Variants in GAS7 observed in about 807,000 individuals in gnomAD.
GAS7 encodes growth arrest specific 7, also known as growth arrest-specific protein 7.
A neutral mutation model predicts 71.1 loss-of-function variants in GAS7; 28 were observed. The observed-to-expected ratio is 0.39, with a 90% CI of 0.29 to 0.54. The LOEUF is 0.54. GAS7 is among the 20% of genes least tolerant of loss of function. The pLI is 0.62. For missense variants in GAS7, 436 were observed against 627.8 expected (o/e 0.69, Z 3.27); for synonymous variants, 258 against 245.8 (o/e 1.05, Z -0.46).
chr17:9,940,273 C>T, intron 7 of GAS7, 73 bp from the exon 8 acceptor site: 3 of 1,112,514 alleles, frequency 2.7e-6, no homozygotes, highest in Non-Finnish European at 4.2e-6. Context: ...CTGCCCTGCA[C>T]ACCTCAGCCG....
intron 2 of GAS7, among the ~76,000 whole-genome samples, chr17:10,001,773 G>GT (rs1243887935): frequency 2.0e-5 from 3 of 152,262 alleles, no homozygotes; most frequent in African/African-American, 7.2e-5. Flanking sequence ...GAAATTAATT[G>GT]TTTTTTAAGT....
intron 2 of GAS7, among the ~76,000 whole-genome samples, chr17:9,990,504 T>A (rs1025974606): frequency 2.6e-5 from 4 of 152,114 alleles, no homozygotes; most frequent in African/African-American, 9.7e-5. Context: ...TAGAAAGGGA[T>A]GACACAGGAG....
chr17:10,135,438 C>T (rs1357082051), intron 1 of GAS7, among the ~76,000 whole-genome samples: 1 of 152,228 alleles, frequency 6.6e-6, no homozygotes, highest in East Asian at 1.9e-4. Context: ...GTCCCTCTGT[C>T]CATTGCTCAG....
intron 2 of GAS7, among the ~76,000 whole-genome samples, chr17:10,010,323 TG>T (rs2071719527): frequency 6.6e-6 from 1 of 152,044 alleles, no homozygotes; most frequent in South Asian, 2.1e-4. Flanking sequence ...GCTAAATTTT[TG>T]TGTTTTTTTA....
intron 5 of GAS7, among the ~76,000 whole-genome samples, chr17:9,952,798 T>C (rs907823938): frequency 6.6e-5 from 10 of 152,042 alleles, no homozygotes; most frequent in Admixed American, 2.0e-4. Context: ...CAATGAGATA[T>C]CATGGCATGC....
chr17:10,052,116 C>T (rs2073070494), intron 1 of GAS7, among the ~76,000 whole-genome samples: 1 of 152,242 alleles, frequency 6.6e-6, no homozygotes, highest in African/African-American at 2.4e-5. Flanking sequence ...CCCCCGATTC[C>T]TCCATTTACA....
In GAS7 at chr17:9,959,841, C is replaced by T. The variant is rs1412676732; in HGVS notation, c.472-586G>A. 6.6e-6 allele frequency among the ~76,000 whole-genome samples: 1 copy of T among 151,674 alleles called. No homozygotes were observed. Among genetic ancestry groups the T allele is most frequent in the Non-Finnish European group, 1.5e-5 (1 of 68,022 alleles). On this transcript the variant is annotated intron_variant, in intron 4 of 13. Coordinates refer to ENST00000432992, the MANE Select transcript of GAS7 (RefSeq NM_201433.2). The surrounding 1 kb of genome is among the most constrained non-coding windows in gnomAD (Gnocchi z 5.0). ...AGCTTCCACTCAGTCTTTATATTGC[C>T]TTTTGATGTCTTCCACCGCCAGTAA...
rs1209394276 is a variant in GAS7, at chr17:10,017,323, CTT to C, written c.304+2452_304+2453del. ...ACTTGCCAACGAAAATCATCTTCCA[CTT>C]TTTTTTTTTTTTTTCCTTGAGACAG... On this transcript the variant is annotated intron_variant, in intron 2 of 13. Transcript: ENST00000432992. Among the ~76,000 whole-genome samples the C allele has an allele frequency of 4.6e-4, 65 of 142,020 alleles. 1 individual carries two copies. The highest frequency in any genetic ancestry group is 1.5e-3 in the African/African-American group (59 of 39,048). The allele number at this position is 142,020 out of a possible 152,430, so 93.2% of individuals were successfully genotyped here.
intron 1 of GAS7, among the ~76,000 whole-genome samples, chr17:10,083,504 C>T (rs2073480104): frequency 6.6e-6 from 1 of 152,274 alleles, no homozygotes; most frequent in East Asian, 1.9e-4. Context: ...GGCATGCTAT[C>T]TGCCGCAGGA....
At chr17:9,958,949 G>T in intron 5 of GAS7, 2 of 1,383,116 alleles carry the variant, frequency 1.4e-6, no homozygotes, top group East Asian at 2.7e-5. Context: ...CTGAAAAAAC[G>T]GCTTCTGCAT....
At chr17:10,151,901 T>C (rs2074169391) in intron 1 of GAS7, among the ~76,000 whole-genome samples, 1 of 152,174 alleles carries the variant, frequency 6.6e-6, no homozygotes, top group African/African-American at 2.4e-5. Flanking sequence ...CAGTTTCCCT[T>C]TGTTAATGGA....
chr17:9,979,404 G>GC (rs1328406530), intron 3 of GAS7, among the ~76,000 whole-genome samples: 2 of 152,144 alleles, frequency 1.3e-5, no homozygotes, highest in Non-Finnish European at 2.9e-5. Flanking sequence ...ACCTTTCTCA[G>GC]CCCCCTTTAG....
intron 1 of GAS7, among the ~76,000 whole-genome samples, chr17:10,165,291 C>CA (rs71365731): frequency 0.4 from 30,535 of 77,156 alleles, 4,939 homozygotes; most frequent in African/African-American, 0.46. Flanking sequence ...GATTCCTTCT[C>CA]AAAAAAAAAA....
chr17:10,170,899 T>C (rs753196025), intron 1 of GAS7, among the ~76,000 whole-genome samples: 1 of 152,154 alleles, frequency 6.6e-6, no homozygotes, highest in South Asian at 2.1e-4. Flanking sequence ...CTGCCACACA[T>C]AAATACCATC....
At chr17:10,061,386 G>C (rs531301974) in intron 1 of GAS7, 7 of 152,346 alleles carry the variant, frequency 4.6e-5, no homozygotes, top group African/African-American at 1.7e-4. Flanking sequence ...CTGTGTGTTT[G>C]GCCCAGAGCC....
chr17:9,959,481 G>A lies in GAS7; in HGVS notation c.472-226C>T. ...GCGAATTAAGGAAGCCTCCTGCACA[G>A]GCTCTGAGAGAACTGCTCCAAACCA... On this transcript the variant is annotated intron_variant, in intron 4 of 13. Coordinates refer to ENST00000432992, the MANE Select transcript of GAS7 (RefSeq NM_201433.2). This position sits in a 1 kb window ranked among gnomAD's most constrained non-coding sequence, Gnocchi z 5.0. 1 of 1,400,358 alleles carries A rather than the reference G, an allele frequency of 7.1e-7. No homozygotes were observed. The highest frequency in any genetic ancestry group is 9.3e-7 in the Non-Finnish European group (1 of 1,078,750). The allele number at this position is 1,400,358 out of a possible 1,614,324, so 86.7% of individuals were successfully genotyped here.
At chr17:9,947,519 C>A (rs962186025) in intron 5 of GAS7, among the ~76,000 whole-genome samples, 18 of 151,958 alleles carry the variant, frequency 1.2e-4, no homozygotes, top group African/African-American at 4.4e-4. Context: ...CCGAGGCAGG[C>A]GGACCACCTG....
At chr17:10,102,708 A>T (rs1025224271) in intron 1 of GAS7, among the ~76,000 whole-genome samples, 1 of 151,756 alleles carries the variant, frequency 6.6e-6, no homozygotes, top group African/African-American at 2.4e-5. Context: ...ACTCTATACC[A>T]ATTAATTCAC....
intron 2 of GAS7, among the ~76,000 whole-genome samples, chr17:10,006,720 T>G (rs1454125591): frequency 6.6e-6 from 1 of 152,082 alleles, no homozygotes; most frequent in African/African-American, 2.4e-5. Context: ...ATCCAAACAA[T>G]TTTTGAGCTA....
Sources: allele counts gnomAD v4.1 joint callset (sites outside exome capture counted in the v4.1 genomes callset), GRCh38; gene constraint gnomAD v4.1.1; non-coding constraint Gnocchi (gnomAD v3.1); transcripts MANE v1.5; gene names NCBI Gene and HGNC (gene_info 2026-07-23, HGNC 2026-07-21).